Variants in PCDH15 observed in about 807,000 individuals in gnomAD.
PCDH15 encodes protocadherin-15.
In PCDH15, 129 loss-of-function variants were observed where a neutral mutation model predicts 178.5. That is an observed-to-expected ratio of 0.72 (90% CI 0.63 to 0.84). The LOEUF is 0.84. PCDH15 is among the 40% of genes least tolerant of loss of function. PCDH15 has a pLI of 0.00. For missense variants in PCDH15, 2,230 were observed against 2,099.9 expected, an observed-to-expected ratio of 1.06 and a Z score of -1.21; for synonymous variants, 800 against 732.0, an observed-to-expected ratio of 1.09 and a Z score of -1.50.
At chr10:54,082,128 G>A (rs952097260) in intron 16 of PCDH15, among the ~76,000 whole-genome samples, 3 of 152,092 alleles carry the variant, frequency 2.0e-5, no homozygotes, top group Admixed American at 6.6e-5. Context: ...TGGAGGGAGC[G>A]AGCTATCCTT....
intron 3 of PCDH15, among the ~76,000 whole-genome samples, chr10:54,827,278 A>G (rs1301775736): frequency 6.6e-6 from 1 of 152,136 alleles, no homozygotes; most frequent in Non-Finnish European, 1.5e-5. Flanking sequence ...GAATACAAAT[A>G]TATATAATGG....
chr10:54,853,287 G>GTATATATATA lies in PCDH15; in HGVS notation c.-29+44162_-29+44163insTATATATATA, dbSNP rs372294767. Reference sequence around the variant, plus strand: ...AATATATATATATGTGTATGTATGTGTGTATATATATATATATATATATAT... The same window carrying GTATATATATA: ...AATATATATATATGTGTATGTATGTGTATATATATATGTATATATATATATATATATATAT... On this transcript the variant is annotated intron_variant, in intron 3 of 5. Coordinates refer to the PCDH15 transcript ENST00000458638. Among the ~76,000 whole-genome samples the GTATATATATA allele has an allele frequency of 3.5e-3, 198 of 56,486 alleles. 2 individuals carry two copies. The highest frequency in any genetic ancestry group is 0.02 in the Middle Eastern group (2 of 98). 37.1% of individuals were successfully genotyped at this position (56,486 alleles called of 152,430 possible). A position where few individuals can be genotyped will look rare whatever the true frequency, so the allele number is the denominator to read the frequency against.
intron 1 of PCDH15, among the ~76,000 whole-genome samples, chr10:54,735,165 C>A (rs1489712345): frequency 6.6e-6 from 1 of 151,936 alleles, no homozygotes; most frequent in African/African-American, 2.4e-5. Flanking sequence ...ATATTTTATG[C>A]ATAGAAAAAT....
At chr10:53,923,964 A>C (rs147731931) in intron 25 of PCDH15, among the ~76,000 whole-genome samples, 1 of 151,446 alleles carries the variant, frequency 6.6e-6, no homozygotes, top group Non-Finnish European at 1.5e-5. Flanking sequence ...AGGGACAATA[A>C]TTTTTTTTTC....
chr10:54,786,800 TA>T (rs2133487198), intron 1 of PCDH15, among the ~76,000 whole-genome samples: 1 of 151,972 alleles, frequency 6.6e-6, no homozygotes, highest in Non-Finnish European at 1.5e-5. Context: ...TTCCTGTTAC[TA>T]AGAAAACAAT....
At chr10:54,518,304 T>C (rs537607816) in intron 3 of PCDH15, among the ~76,000 whole-genome samples, 60 of 151,872 alleles carry the variant, frequency 4.0e-4, no homozygotes, top group African/African-American at 1.3e-3. Flanking sequence ...ACAAAATTGA[T>C]AGACCGCTAG....
At chr10:55,276,069 T>C (rs930238227) in intron 1 of PCDH15, among the ~76,000 whole-genome samples, 1 of 151,196 alleles carries the variant, frequency 6.6e-6, no homozygotes, top group African/African-American at 2.4e-5. Context: ...TAGAAAATGA[T>C]TTTTACATGT....
intron 2 of PCDH15, among the ~76,000 whole-genome samples, chr10:55,005,384 CA>C (rs1839904505): frequency 6.6e-6 from 1 of 151,870 alleles, no homozygotes; most frequent in Admixed American, 6.6e-5. Context: ...TTATTTTAAT[CA>C]AAAATAAGGT....
intron 8 of PCDH15, among the ~76,000 whole-genome samples, chr10:54,262,346 C>T (rs2057373218): frequency 1.3e-5 from 2 of 152,140 alleles, no homozygotes; most frequent in Admixed American, 6.5e-5. Context: ...ACCCATGCTG[C>T]GTGATTAAGG....
chr10:54,418,492 T>C (rs1366849917), intron 3 of PCDH15, among the ~76,000 whole-genome samples: 1 of 151,840 alleles, frequency 6.6e-6, no homozygotes, highest in Non-Finnish European at 1.5e-5. Context: ...CACTCTAATC[T>C]ACTCTTATCT....
Position 55,393,979 on chromosome 10 carries a change from A to G in PCDH15, c.-155-227328T>C, listed in dbSNP as rs374002195. Among the ~76,000 whole-genome samples, 45 of 152,074 alleles carry G rather than the reference A, an allele frequency of 3.0e-4. No homozygotes were observed. The East Asian group carries it at 4.6e-3, about 16-fold the overall frequency. On this transcript the variant is annotated intron_variant, in intron 2 of 5. Coordinates refer to the PCDH15 transcript ENST00000613346. ...TGCTTGCCTCCCCTTACAAATATATATAACTTTTTTTTTCTCCAAATATGC... is the reference window on the plus strand; with the variant it reads ...TGCTTGCCTCCCCTTACAAATATATGTAACTTTTTTTTTCTCCAAATATGC...
intron 25 of PCDH15, among the ~76,000 whole-genome samples, chr10:53,937,265 A>G (rs749076066): frequency 6.6e-6 from 1 of 152,224 alleles, no homozygotes; most frequent in Non-Finnish European, 1.5e-5. Context: ...CACTTGAGAA[A>G]GTTCTACAAC....
chr10:54,506,175 G>C (rs9787651), intron 3 of PCDH15, among the ~76,000 whole-genome samples: 1 of 151,832 alleles, frequency 6.6e-6, no homozygotes, highest in Non-Finnish European at 1.5e-5. Flanking sequence ...AAATTTTTGC[G>C]TGGAAAATAT....
At chr10:53,809,507 T>C in intron 37 of PCDH15, 2 of 1,611,170 alleles carry the variant, frequency 1.2e-6, no homozygotes, top group African/African-American at 1.3e-5. Flanking sequence ...CTAGGCTCTC[T>C]AATTTCAACC....
chr10:55,379,838 C>T (rs1325876356), intron 2 of PCDH15, among the ~76,000 whole-genome samples: 1 of 152,052 alleles, frequency 6.6e-6, no homozygotes, highest in African/African-American at 2.4e-5. Flanking sequence ...TATTAGGAAA[C>T]ATAGCTCTAA....
intron 8 of PCDH15, among the ~76,000 whole-genome samples, chr10:54,238,927 G>A (rs2054933873): frequency 6.6e-6 from 1 of 152,004 alleles, no homozygotes; most frequent in Non-Finnish European, 1.5e-5. Context: ...AATTAAATCT[G>A]CAGTAATTTT....
intron 10 of PCDH15, among the ~76,000 whole-genome samples, chr10:54,211,225 T>C (rs1046303210): frequency 1.4e-5 from 2 of 144,386 alleles, no homozygotes; most frequent in Admixed American, 6.7e-5. Flanking sequence ...AAATAACTTA[T>C]CCAAACTGGG....
At chr10:53,944,177 G>A (rs1241294736) in intron 23 of PCDH15, among the ~76,000 whole-genome samples, 3 of 152,142 alleles carry the variant, frequency 2.0e-5, no homozygotes, top group Admixed American at 6.5e-5. Flanking sequence ...CAAGTCTGGT[G>A]TGATTTGTAA....
At chr10:54,767,256 C>T (rs945364015) in intron 1 of PCDH15, among the ~76,000 whole-genome samples, 1 of 152,034 alleles carries the variant, frequency 6.6e-6, no homozygotes, top group Non-Finnish European at 1.5e-5. Context: ...CTGGAGAAAA[C>T]TCCTCCATTA....
Sources: gnomAD v4.1 joint callset for allele counts (sites outside exome capture counted in the v4.1 genomes callset) on GRCh38, gnomAD v4.1.1 for gene constraint, MANE v1.5 for transcripts, NCBI Gene and HGNC (gene_info 2026-07-23, HGNC 2026-07-21) for gene names.